PTPRK: variants seen among roughly 807,000 people sequenced by gnomAD.
The protein encoded by PTPRK is protein tyrosine phosphatase receptor type K.
In PTPRK, 75 loss-of-function variants were observed where a neutral mutation model predicts 178.0. The ratio of observed to expected loss-of-function variants is 0.42; its 90% CI spans 0.35 to 0.51. PTPRK has a LOEUF of 0.51. Among genes scored for constraint, PTPRK ranks in the 20% least tolerant of loss-of-function variants. The probability of loss-of-function intolerance (pLI) is 0.02; values close to 1 mark genes in which losing one functional copy is unlikely to be tolerated. For missense variants in PTPRK, 1,441 were observed against 1,797.8 expected, an observed-to-expected ratio of 0.80 and a Z score of 3.59; for synonymous variants, 637 against 620.6, an observed-to-expected ratio of 1.03 and a Z score of -0.39.
intron 29 of PTPRK, 85 bp from the exon 30 acceptor site, chr6:127,970,365 C>G: frequency 4.7e-6 from 5 of 1,055,160 alleles, no homozygotes; most frequent in Non-Finnish European, 7.1e-6. Context: ...AACTTGACAA[C>G]CAATTTAGAT....
At chr6:128,498,830 T>C (rs150703305) in intron 1 of PTPRK, among the ~76,000 whole-genome samples, 1 of 152,202 alleles carries the variant, frequency 6.6e-6, no homozygotes. Context: ...GCTACTCTGC[T>C]AGCTATTTTC....
At chr6:127,975,132 G>A (rs1774375240) in intron 27 of PTPRK, among the ~76,000 whole-genome samples, 1 of 152,102 alleles carries the variant, frequency 6.6e-6, no homozygotes, top group Non-Finnish European at 1.5e-5. Context: ...ACCAAATACA[G>A]AGGCAGTTCA....
At chr6:128,466,147 GTTT>G (rs760675811) in intron 1 of PTPRK, among the ~76,000 whole-genome samples, 1 of 151,998 alleles carries the variant, frequency 6.6e-6, no homozygotes, top group Non-Finnish European at 1.5e-5. Context: ...ATTACTAAAT[GTTT>G]TTTTCCTGAA....
At chr6:128,347,869 C>T (rs1162961862) in intron 2 of PTPRK, among the ~76,000 whole-genome samples, 1 of 152,016 alleles carries the variant, frequency 6.6e-6, no homozygotes, top group Non-Finnish European at 1.5e-5. Context: ...AAAAGTGCAA[C>T]CATCATAATA....
chr6:128,444,842 C>G (rs1180457170), intron 1 of PTPRK, among the ~76,000 whole-genome samples: 1 of 152,112 alleles, frequency 6.6e-6, no homozygotes, highest in Non-Finnish European at 1.5e-5. Context: ...AGGATTTTCA[C>G]ACACCATTTA....
In PTPRK at chr6:128,005,122, G is replaced by T; in HGVS notation, c.2456C>A (p.Ser819Tyr). ...GTTATGTTGGTCCATGAAGGTGATG[G>T]AAAGAGGATCTTCTGCATGCAGAGT... ...QSTLHAEDPL[S>Y]ITFMDQHNFS... is the part of the protein sequence containing the mutation. Residue 819 changes from serine to tyrosine, a missense_variant, in exon 15 of 30, where the codon TCC (serine) becomes TAC (tyrosine). By Grantham distance (144) the Ser-to-Tyr change is moderately radical. Around this residue, in one of 4 missense-constraint regions of PTPRK, gnomAD observed 945 missense variants for 1,080.6 expected, o/e 0.87. Coordinates refer to ENST00000368226, the MANE Select transcript of PTPRK (RefSeq NM_002844.4). 1 of 1,610,304 alleles carries T rather than the reference G, an allele frequency of 6.2e-7. No individual in the cohort carries two copies. The highest frequency in any genetic ancestry group is 2.2e-5 in the East Asian group (1 of 44,750).
intron 1 of PTPRK, among the ~76,000 whole-genome samples, chr6:128,515,068 T>A (rs951757409): frequency 2.0e-5 from 3 of 152,196 alleles, no homozygotes; most frequent in Non-Finnish European, 4.4e-5. Context: ...CTATTCAGAG[T>A]TCACACTGAT....
intron 6 of PTPRK, among the ~76,000 whole-genome samples, chr6:128,191,801 A>G (rs1423470406): frequency 2.0e-5 from 3 of 152,210 alleles, no homozygotes; most frequent in African/African-American, 7.2e-5. Flanking sequence ...AATTTTAACA[A>G]TGCTGAAAAT....
At position 128,493,645 on chromosome 6, in the gene PTPRK, C is replaced by G. The variant is rs924349238; in HGVS notation, c.100+26614G>C. On this transcript the variant is annotated intron_variant, in intron 1 of 29. Transcript: ENST00000368226. ...ACACACACACACACACACACACACA[C>G]AGAAACAACTATACTTATACTGTGG... 9.5e-5 allele frequency among the ~76,000 whole-genome samples: 12 copies of G among 126,502 alleles called. No homozygotes were observed. The East Asian group carries it at 2.0e-3, about 21-fold the overall frequency. The allele number at this position is 126,502 out of a possible 152,430, so 83.0% of individuals were successfully genotyped here.
intron 6 of PTPRK, among the ~76,000 whole-genome samples, chr6:128,210,459 G>C (rs571097334): frequency 1.3e-5 from 2 of 150,812 alleles, no homozygotes; most frequent in African/African-American, 4.9e-5. Flanking sequence ...TTGGGGAGGG[G>C]GGGTGGGGAA....
intron 3 of PTPRK, among the ~76,000 whole-genome samples, chr6:128,262,083 T>C (rs926590905): frequency 3.3e-5 from 5 of 152,204 alleles, no homozygotes; most frequent in Middle Eastern, 3.2e-3. Context: ...GATCAGGCAA[T>C]GCTGTATGGC....
intron 7 of PTPRK, among the ~76,000 whole-genome samples, chr6:128,162,140 T>C (rs1798796072): frequency 6.6e-6 from 1 of 151,650 alleles, no homozygotes; most frequent in South Asian, 2.1e-4. Context: ...CTAATGAGGA[T>C]ACTAGTTTTG....
In PTPRK at chr6:127,977,002, G is replaced by A; in HGVS notation, c.3764C>T (p.Thr1255Ile). ...FIVTQYPLPN[T>I]VKDFWRLVYD... ...CACTAATCTCCAGAAGTCTTTTACA[G>A]TGTTTGGCAGAGGGTATTGTGTGAC... The change falls in exon 26 of 30, where the codon ACT becomes ATT. Residue 1255 changes from threonine to isoleucine, a missense_variant. Thr to Ile is a moderately conservative substitution (Grantham distance 89, BLOSUM62 -1). This residue lies in a region of PTPRK where 335 missense variants were observed against 512.4 expected (regional missense o/e 0.65). Transcript: ENST00000368226. 1 of 1,614,076 alleles carries A rather than the reference G, an allele frequency of 6.2e-7. No individual in the cohort carries two copies. The highest frequency in any genetic ancestry group is 8.5e-7 in the Non-Finnish European group (1 of 1,179,946).
chr6:128,030,326 C>T (rs188461967), intron 13 of PTPRK, among the ~76,000 whole-genome samples: 4 of 152,170 alleles, frequency 2.6e-5, no homozygotes, highest in African/African-American at 4.8e-5. Flanking sequence ...AGCACAACCT[C>T]CAAGTGACAA....
chr6:128,095,120 G>C (rs191146488), intron 7 of PTPRK, among the ~76,000 whole-genome samples: 34 of 151,734 alleles, frequency 2.2e-4, no homozygotes, highest in African/African-American at 8.0e-4. Context: ...TTGAATGAAA[G>C]AAAGCTGACT....
At chr6:128,170,234 CT>C (rs1800036261) in intron 7 of PTPRK, among the ~76,000 whole-genome samples, 1 of 152,004 alleles carries the variant, frequency 6.6e-6, no homozygotes, top group Non-Finnish European at 1.5e-5. Flanking sequence ...TGAGTTAAAA[CT>C]CCCCTGCAGG....
chr6:128,069,842 G>A (rs6915950), intron 11 of PTPRK, among the ~76,000 whole-genome samples: 9,872 of 152,054 alleles, frequency 0.065, 1,145 homozygotes, highest in African/African-American at 0.23. Context: ...ATCTAGATCT[G>A]TGAGGAGCAA....
intron 1 of PTPRK, chr6:128,491,864 G>A (rs766105135): frequency 1.8e-5 from 9 of 501,700 alleles, no homozygotes; most frequent in African/African-American, 9.7e-5. Flanking sequence ...AAACGAAAGC[G>A]GCTTGGTAAC....
intron 1 of PTPRK, among the ~76,000 whole-genome samples, chr6:128,410,958 C>A (rs1584584993): frequency 6.6e-6 from 1 of 152,180 alleles, no homozygotes; most frequent in Admixed American, 6.5e-5. Flanking sequence ...GTGGCACGAT[C>A]TTGGCTCACT....
Sources: gnomAD v4.1 joint callset for allele counts (sites outside exome capture counted in the v4.1 genomes callset) on GRCh38, gnomAD v4.1.1 for gene constraint, gnomAD v4.1.1 regional missense constraint, MANE v1.5 for transcripts, NCBI Gene and HGNC (gene_info 2026-07-23, HGNC 2026-07-21) for gene names.